RBFOX1: variants seen among roughly 807,000 people sequenced by gnomAD.
RBFOX1 encodes RNA binding protein fox-1 homolog 1.
A neutral mutation model predicts 57.7 loss-of-function variants in RBFOX1; 8 were observed. That is an observed-to-expected ratio of 0.14 (90% confidence interval 0.08 to 0.25). The LOEUF (loss-of-function observed/expected upper bound fraction) is 0.25. Among genes scored for constraint, RBFOX1 ranks in the 10% least tolerant of loss-of-function variants. RBFOX1 has a pLI of 1.00. For synonymous variants in RBFOX1, 326 were observed against 222.4 expected, an observed-to-expected ratio of 1.47 and a Z score of -4.15; for missense variants, 611 against 548.5, an observed-to-expected ratio of 1.11 and a Z score of -1.14.
intron 4 of RBFOX1, among the ~76,000 whole-genome samples, chr16:5,979,333 T>A (rs2060128701): frequency 6.6e-6 from 1 of 152,188 alleles, no homozygotes; most frequent in Non-Finnish European, 1.5e-5. Flanking sequence ...GAGACTCGGA[T>A]TGTAATGTAG....
At chr16:7,485,311 T>C (rs918871518) in intron 4 of RBFOX1, among the ~76,000 whole-genome samples, 3 of 152,264 alleles carry the variant, frequency 2.0e-5, no homozygotes, top group African/African-American at 7.2e-5. Context: ...AGTGACTATT[T>C]AATGCTTTGC....
chr16:5,366,499 G>GA (rs2065719271), intron 1 of RBFOX1: 4 of 428,908 alleles, frequency 9.3e-6, no homozygotes, highest in South Asian at 5.6e-5. Flanking sequence ...CAAGAAACAG[G>GA]AAAAAACTGC....
chr16:5,438,789 C>T (rs1224724111), intron 1 of RBFOX1, among the ~76,000 whole-genome samples: 2 of 152,072 alleles, frequency 1.3e-5, no homozygotes, highest in Admixed American at 6.6e-5. Context: ...ACTCATCCGT[C>T]CTGTGGGGGT....
At chr16:7,360,591 A>G (rs1285824849) in intron 4 of RBFOX1, among the ~76,000 whole-genome samples, 1 of 152,172 alleles carries the variant, frequency 6.6e-6, no homozygotes, top group Non-Finnish European at 1.5e-5. Flanking sequence ...GTTTGAAAGG[A>G]CGTTTCCTGT....
Position 6,636,341 on chromosome 16 carries a change from T to G in RBFOX1, c.-63-18262T>G, listed in dbSNP as rs150025491. Among the ~76,000 whole-genome samples, 16 of 152,162 alleles carry G rather than the reference T, an allele frequency of 1.1e-4. No homozygotes were observed. The South Asian group carries it at 2.1e-3, about 20-fold the overall frequency. ...GCCTGCCACCACACACGGCTAATTT[T>G]TTGTATTTTCAGTAGAGATGGGGTT... On this transcript the variant is annotated intron_variant, in intron 2 of 15. Transcript: ENST00000550418.
chr16:5,407,875 C>T (rs1002345388), intron 1 of RBFOX1, among the ~76,000 whole-genome samples: 4 of 152,192 alleles, frequency 2.6e-5, no homozygotes, highest in Admixed American at 6.5e-5. Context: ...AACCCAAGTC[C>T]CGTGGGAGGT....
intron 3 of RBFOX1, among the ~76,000 whole-genome samples, chr16:6,739,206 G>A (rs1360982646): frequency 6.7e-6 from 1 of 148,572 alleles, no homozygotes; most frequent in Non-Finnish European, 1.5e-5. Context: ...TAAAAATATA[G>A]AAGAAAATGG....
chr16:5,727,787 A>C (rs150685413), intron 3 of RBFOX1, among the ~76,000 whole-genome samples: 1 of 152,222 alleles, frequency 6.6e-6, no homozygotes, highest in East Asian at 1.9e-4. Flanking sequence ...TTCTGGATTC[A>C]CGTGATCCTC....
chr16:6,654,349 C>T (rs1392387646), intron 2 of RBFOX1, among the ~76,000 whole-genome samples: 1 of 152,136 alleles, frequency 6.6e-6, no homozygotes, highest in East Asian at 1.9e-4. Flanking sequence ...GACCTCTGAT[C>T]CATAGCCTTT....
At chr16:7,459,953 C>G (rs34294544) in intron 4 of RBFOX1, among the ~76,000 whole-genome samples, 50,785 of 151,756 alleles carry the variant, frequency 0.33, 10,077 homozygotes, top group Non-Finnish European at 0.45. Context: ...TGGTTGGATA[C>G]TTTTAGCAAC....
intron 4 of RBFOX1, among the ~76,000 whole-genome samples, chr16:7,496,743 A>G (rs2068782348): frequency 2.2e-5 from 2 of 92,360 alleles, no homozygotes. Context: ...AAGACTACAG[A>G]ACAGAAAAAA....
chr16:5,960,814 C>G (rs1054358341), intron 4 of RBFOX1, among the ~76,000 whole-genome samples: 1 of 152,130 alleles, frequency 6.6e-6, no homozygotes, highest in Non-Finnish European at 1.5e-5. Flanking sequence ...GAATTGAAGC[C>G]AAGTGTCTCT....
intron 3 of RBFOX1, among the ~76,000 whole-genome samples, chr16:6,666,216 C>G (rs1277734567): frequency 6.6e-6 from 1 of 152,114 alleles, no homozygotes; most frequent in African/African-American, 2.4e-5. Context: ...AGCGTGAAAA[C>G]AGACTAATAC....
At chr16:6,982,101 C>T (rs114989255) in intron 3 of RBFOX1, among the ~76,000 whole-genome samples, 1 of 151,884 alleles carries the variant, frequency 6.6e-6, no homozygotes, top group Non-Finnish European at 1.5e-5. Flanking sequence ...AGAATGTGGC[C>T]CCCGCACCAA....
intron 3 of RBFOX1, among the ~76,000 whole-genome samples, chr16:6,891,473 G>A (rs1395559353): frequency 6.6e-6 from 1 of 152,048 alleles, no homozygotes. Context: ...ACTAGAGAGA[G>A]AGAGAGAGAG....
At chr16:5,649,580 C>T (rs2049165156) in intron 3 of RBFOX1, among the ~76,000 whole-genome samples, 1 of 152,146 alleles carries the variant, frequency 6.6e-6, no homozygotes, top group Admixed American at 6.5e-5. Context: ...TAAGCTCATC[C>T]CATCGTCTCC....
In RBFOX1 at chr16:6,899,999, C is replaced by G. The variant is rs926246310; in HGVS notation, c.-15-152058C>G. Among the ~76,000 whole-genome samples, 5 of 152,250 alleles carry G rather than the reference C, an allele frequency of 3.3e-5. No individual in the cohort carries two copies. In the South Asian group the frequency reaches 1.0e-3, roughly 32 times the overall value. The stretch of plus-strand genomic sequence containing the variant: ...ATTTGCCTTTCTGTGCTTCTGTTTC[C>G]TTATTTATAACAGGAGGATGCTCAT... On this transcript the variant is annotated intron_variant, in intron 3 of 15. Transcript: ENST00000550418.
chr16:6,794,941 A>G (rs1294831655), intron 3 of RBFOX1, among the ~76,000 whole-genome samples: 1 of 152,134 alleles, frequency 6.6e-6, no homozygotes, highest in African/African-American at 2.4e-5. Context: ...GACCTCAAAT[A>G]TTGAGTAATT....
intron 4 of RBFOX1, among the ~76,000 whole-genome samples, chr16:7,084,425 G>T (rs140197219): frequency 0.011 from 1,635 of 152,270 alleles, 15 homozygotes; most frequent in Non-Finnish European, 0.016. Flanking sequence ...GAGGAAAAAA[G>T]AAAATGTGAA....
Sources: gnomAD v4.1 joint callset for allele counts (sites outside exome capture counted in the v4.1 genomes callset) on GRCh38, gnomAD v4.1.1 for gene constraint, MANE v1.5 for transcripts, NCBI Gene and HGNC (gene_info 2026-07-23, HGNC 2026-07-21) for gene names.